PAK3: variants seen among roughly 807,000 people sequenced by gnomAD.
PAK3 encodes the protein p21 (RAC1) activated kinase 3.
A neutral mutation model predicts 41.0 loss-of-function variants in PAK3; 4 were observed. That is an observed-to-expected ratio of 0.10 (90% CI 0.05 to 0.22). The LOEUF is 0.22. Ranked by LOEUF, PAK3 falls within the 10% of genes least tolerant of loss-of-function variation. The pLI, the probability that PAK3 is intolerant of heterozygous loss-of-function variation, is 1.00. For synonymous variants in PAK3, 146 were observed against 139.6 expected (o/e 1.05, Z -0.32); for missense variants, 205 against 409.9 (o/e 0.50, Z 4.32).
intron 7 of PAK3, among the ~76,000 whole-genome samples, chrX:111,149,931 C>T (rs1274218900): frequency 8.9e-6 from 1 of 112,458 alleles, no homozygotes; most frequent in Admixed American, 9.4e-5. Context: ...TTTTCTATCG[C>T]ATAGTCAGGC....
upstream of PAK3, among the ~76,000 whole-genome samples, chrX:111,092,325 A>T (rs1336983024): frequency 8.9e-6 from 1 of 112,155 alleles, no homozygotes; most frequent in African/African-American, 3.2e-5. Context: ...TCATATACAC[A>T]TACCCACATG....
In PAK3 at chrX:111,085,195, A is replaced by T. The variant is rs1461155380; in HGVS notation, c.-27-37882A>T. Among the ~76,000 whole-genome samples the T allele has an allele frequency of 7.1e-5, 8 of 111,932 alleles. No homozygotes were observed. In the Admixed American group the frequency reaches 7.6e-4, roughly 11 times the overall value. The stretch of plus-strand genomic sequence containing the variant: ...TTTTTAAAGTAATACGTCATAGCCA[A>T]TCAAAATTCCCAAGCCAGAAAAAAA... On this transcript the variant is annotated intron_variant, in intron 1 of 14. Transcript: ENST00000425146.
chrX:110,978,589 A>G lies in PAK3; in HGVS notation c.-28+33961A>G, dbSNP rs1269961128. Among the ~76,000 whole-genome samples, 4 of 111,698 alleles carry G rather than the reference A, an allele frequency of 3.6e-5. 1 individual carries two copies. The highest frequency in any genetic ancestry group is 2.8e-4 in the Admixed American group (3 of 10,572). ...AAATAATGCTGAATTCTATTGACTA[A>G]TATTTTGTTAAGAATATTTGAATCA... On this transcript the variant is annotated intron_variant, in intron 1 of 14. Coordinates refer to the PAK3 transcript ENST00000425146.
At chrX:111,186,834 G>A (rs2094516139) in intron 11 of PAK3, among the ~76,000 whole-genome samples, 1 of 111,706 alleles carries the variant, frequency 9.0e-6, no homozygotes, top group Non-Finnish European at 1.9e-5. Flanking sequence ...AAAAATTAAA[G>A]TGAATTAAGG....
At chrX:111,182,500 T>C (rs1454179965) in intron 11 of PAK3, among the ~76,000 whole-genome samples, 1 of 111,441 alleles carries the variant, frequency 9.0e-6, no homozygotes, top group Non-Finnish European at 1.9e-5. Flanking sequence ...TGAGATAACA[T>C]GATTTTTACA....
chrX:110,986,408 T>G (rs1350135636), intron 1 of PAK3, among the ~76,000 whole-genome samples: 1 of 111,606 alleles, frequency 9.0e-6, no homozygotes, highest in Non-Finnish European at 1.9e-5. Context: ...ATAAAGAGAA[T>G]GAAAAAATAA....
At chrX:110,954,066 A>G (rs1401586640) in intron 1 of PAK3, among the ~76,000 whole-genome samples, 1 of 110,792 alleles carries the variant, frequency 9.0e-6, no homozygotes, top group East Asian at 2.9e-4. Context: ...CCTTGATCTC[A>G]CTGATCTTAT....
chrX:111,182,522 T>C (rs1363289646), intron 11 of PAK3, among the ~76,000 whole-genome samples: 1 of 111,266 alleles, frequency 9.0e-6, no homozygotes. Flanking sequence ...AATTTTCTTT[T>C]TTAAATTTAG....
chrX:111,155,232 G>C (rs1036956606), intron 8 of PAK3, among the ~76,000 whole-genome samples: 4 of 110,818 alleles, frequency 3.6e-5, no homozygotes, highest in African/African-American at 1.3e-4. Flanking sequence ...TGAGTATAGT[G>C]GTTCATGCCT....
chrX:111,003,142 A>ATAG (rs1189631704), intron 1 of PAK3, among the ~76,000 whole-genome samples: 1 of 105,351 alleles, frequency 9.5e-6, no homozygotes, highest in African/African-American at 4.1e-5. Context: ...AGCACAAAGG[A>ATAG]TAGTCTTCAT....
intron 10 of PAK3, among the ~76,000 whole-genome samples, chrX:111,168,003 C>T (rs1002379459): frequency 1.8e-5 from 2 of 111,367 alleles, no homozygotes; most frequent in African/African-American, 6.5e-5. Context: ...CCTTGCCTCT[C>T]ACCTCCCTCA....
At chrX:111,000,757 A>C (rs1269849276) in intron 1 of PAK3, among the ~76,000 whole-genome samples, 1 of 112,187 alleles carries the variant, frequency 8.9e-6, no homozygotes, top group East Asian at 2.8e-4. Context: ...TAAAGTCTAA[A>C]ATTATTTCAA....
chrX:111,108,514 T>G (rs945254705), intron 4 of PAK3, among the ~76,000 whole-genome samples: 1 of 112,207 alleles, frequency 8.9e-6, no homozygotes, highest in African/African-American at 3.2e-5. Flanking sequence ...TCCTGTCAGA[T>G]CAGCAGCAAC....
intron 1 of PAK3, among the ~76,000 whole-genome samples, chrX:111,023,785 G>C (rs988651700): frequency 1.3e-4 from 15 of 111,604 alleles, no homozygotes; most frequent in African/African-American, 4.9e-4. Flanking sequence ...TGTAGATTCT[G>C]GATATTAGCC....
chrX:111,097,065 C>G (rs2148872768), intron 1 of PAK3, among the ~76,000 whole-genome samples: 1 of 108,845 alleles, frequency 9.2e-6, no homozygotes, highest in Admixed American at 9.8e-5. Flanking sequence ...TGCAATAACG[C>G]CCCCAGAAAG....
chrX:111,178,095 C>T (rs907556804), intron 11 of PAK3, among the ~76,000 whole-genome samples: 2 of 110,716 alleles, frequency 1.8e-5, no homozygotes, highest in African/African-American at 6.6e-5. Context: ...TACTTGTGGT[C>T]CCCCTGAATA....
intron 1 of PAK3, among the ~76,000 whole-genome samples, chrX:110,985,062 G>C (rs1602652948): frequency 8.9e-6 from 1 of 112,145 alleles, no homozygotes; most frequent in Non-Finnish European, 1.9e-5. Flanking sequence ...CCTGGAGATC[G>C]AGGCTGCAGT....
intron 1 of PAK3, among the ~76,000 whole-genome samples, chrX:110,964,052 A>G (rs2091033994): frequency 8.9e-6 from 1 of 111,771 alleles, no homozygotes; most frequent in South Asian, 3.8e-4. Context: ...TCATTGAAAC[A>G]TGACCACATG....
chrX:111,165,311 A>C (rs2094241135), intron 10 of PAK3, among the ~76,000 whole-genome samples: 1 of 112,125 alleles, frequency 8.9e-6, no homozygotes, highest in South Asian at 3.8e-4. Context: ...TAACAGCAGT[A>C]ATAATTCTCA....
Sources: gnomAD v4.1 joint callset for allele counts (sites outside exome capture counted in the v4.1 genomes callset) on GRCh38, gnomAD v4.1.1 for gene constraint, MANE v1.5 for transcripts, NCBI Gene and HGNC (gene_info 2026-07-23, HGNC 2026-07-21) for gene names.